FBN1: variants seen among roughly 807,000 people sequenced by gnomAD.
FBN1 encodes the protein fibrillin-1.
FBN1 carries 29 observed loss-of-function variants against 365.1 expected under a neutral mutation model. The ratio of observed to expected loss-of-function variants is 0.08; its 90% CI spans 0.06 to 0.11. The LOEUF is 0.11. FBN1 is among the 10% of genes least tolerant of loss of function. FBN1 has a pLI of 1.00. For missense variants in FBN1, 2,476 were observed against 3,703.2 expected (o/e 0.67, Z 8.60); for synonymous variants, 1,210 against 1,270.5 (o/e 0.95, Z 1.01).
chr15:48,537,499 T>C, intron 7 of FBN1, 112 bp downstream of exon 7: 1 of 1,335,604 alleles, frequency 7.5e-7, no homozygotes, highest in Non-Finnish European at 1.1e-6. Flanking sequence ...TCAGCGAAAT[T>C]GTGAAGTTAT....
chr15:48,497,605 C>T (rs908982552), intron 18 of FBN1, among the ~76,000 whole-genome samples: 1 of 152,108 alleles, frequency 6.6e-6, no homozygotes, highest in Non-Finnish European at 1.5e-5. Flanking sequence ...AGGAACTTTG[C>T]ATCTCAGCTG....
intron 6 of FBN1, among the ~76,000 whole-genome samples, chr15:48,553,914 C>T (rs1054865041): frequency 1.3e-5 from 2 of 152,176 alleles, no homozygotes; most frequent in Non-Finnish European, 2.9e-5. Flanking sequence ...GAGCATGGTG[C>T]TGGCTACAAG....
intron 47 of FBN1, among the ~76,000 whole-genome samples, chr15:48,446,462 C>CA (rs1442704373): frequency 6.6e-6 from 1 of 152,106 alleles, no homozygotes; most frequent in African/African-American, 2.4e-5. Flanking sequence ...ATAGAGGGTT[C>CA]AGTACTATCT....
intron 2 of FBN1, among the ~76,000 whole-genome samples, chr15:48,623,232 GA>G (rs1889802302): frequency 6.6e-6 from 1 of 152,198 alleles, no homozygotes; most frequent in African/African-American, 2.4e-5. Flanking sequence ...AAGTAAGCCA[GA>G]TGGAATATGC....
At chr15:48,608,734 C>A (rs538929393) in intron 4 of FBN1, among the ~76,000 whole-genome samples, 1 of 152,218 alleles carries the variant, frequency 6.6e-6, no homozygotes, top group African/African-American at 2.4e-5. Flanking sequence ...AAGCACCACC[C>A]ACAGTCTTGG....
intron 53 of FBN1, among the ~76,000 whole-genome samples, chr15:48,435,952 T>C (rs1251768034): frequency 6.6e-6 from 1 of 151,760 alleles, no homozygotes; most frequent in Non-Finnish European, 1.5e-5. Context: ...CACAGAAGAG[T>C]AATGGCTCTT....
intron 44 of FBN1, among the ~76,000 whole-genome samples, chr15:48,453,014 T>C (rs2043212872): frequency 6.6e-6 from 1 of 152,014 alleles, no homozygotes; most frequent in Admixed American, 6.5e-5. Flanking sequence ...CCTAGCACTT[T>C]GGGAAGCTAA....
chr15:48,467,069 G>A (rs965594048), intron 38 of FBN1, among the ~76,000 whole-genome samples: 3 of 152,144 alleles, frequency 2.0e-5, no homozygotes, highest in Non-Finnish European at 4.4e-5. Flanking sequence ...AAGGTTACAT[G>A]GGTGACAACT....
At chr15:48,436,040 A>G (rs2043069828) in intron 53 of FBN1, among the ~76,000 whole-genome samples, 1 of 152,096 alleles carries the variant, frequency 6.6e-6, no homozygotes, top group African/African-American at 2.4e-5. Context: ...CTCCTAGGCG[A>G]AGAGGCTCAT....
At chr15:48,644,563 A>G in intron 2 of FBN1, 43 bp downstream of exon 2, 1 of 1,613,042 alleles carries the variant, frequency 6.2e-7, no homozygotes, top group Non-Finnish European at 8.5e-7. Flanking sequence ...TGGATCTTGA[A>G]ACTTGGGAGA....
At chr15:48,633,892 G>A (rs1021632125) in intron 2 of FBN1, among the ~76,000 whole-genome samples, 2 of 152,092 alleles carry the variant, frequency 1.3e-5, no homozygotes, top group South Asian at 2.1e-4. Flanking sequence ...CCACACCTAC[G>A]AACCGGAGAG....
intron 6 of FBN1, among the ~76,000 whole-genome samples, chr15:48,571,388 A>T (rs2044304400): frequency 6.6e-6 from 1 of 152,226 alleles, no homozygotes; most frequent in Non-Finnish European, 1.5e-5. Context: ...CTGGAAGAAC[A>T]TGAATAAAAA....
At position 48,492,336 on chromosome 15, in the gene FBN1, G is replaced by A. The variant is rs144417331; in HGVS notation, c.2854+125C>T. 5,207 of 899,870 alleles carry A rather than the reference G, an allele frequency of 5.8e-3. 77 individuals carry two copies. The highest frequency in any genetic ancestry group is 0.038 in the South Asian group (2,608 of 68,086). The allele number at this position is 899,870 out of a possible 1,614,324, so 55.7% of individuals were successfully genotyped here. ...CAAAGGAGTGGCCATGGACCCTATC[G>A]GACATGCTGAATTTTGGAGTGTGTG... On this transcript the variant is annotated intron_variant, in intron 24 of 65. Coordinates refer to ENST00000316623, the MANE Select transcript of FBN1 (RefSeq NM_000138.5).
chr15:48,454,667 T>A (rs994237464), intron 44 of FBN1, among the ~76,000 whole-genome samples: 1 of 152,180 alleles, frequency 6.6e-6, no homozygotes, highest in African/African-American at 2.4e-5. Flanking sequence ...GTTCTGGGCT[T>A]TTACACAGAA....
Position 48,430,741 on chromosome 15 carries a change from G to A in FBN1, c.6801C>T (p.Asn2267=), listed in dbSNP as rs886051245. ...AGATGCACATATATGTGCCAATGAG[G>A]TTCTTGCATTCCATTTGTTTTTCAG... ...DCTEKQMECK[N]LIGTYMCICG... The change falls in exon 56 of 66, where the codon AAC becomes AAT. Residue 2267 remains asparagine (N), a synonymous_variant. Coordinates refer to ENST00000316623, the MANE Select transcript of FBN1 (RefSeq NM_000138.5). 1.9e-6 allele frequency: 3 copies of A among 1,613,834 alleles called. No homozygotes were observed. Among genetic ancestry groups the A allele is most frequent in the Non-Finnish European group, 2.5e-6 (3 of 1,179,824 alleles).
chr15:48,593,679 C>T lies in FBN1; in HGVS notation c.538+2604G>A, dbSNP rs1340197117. On this transcript the variant is annotated intron_variant, in intron 6 of 65. Transcript: ENST00000316623. ...TGAATCCAGTTCATCATCTATGGGT[C>T]GTGTACTGTGCATCACACAGTAAGG... Among the ~76,000 whole-genome samples, 6 of 152,054 alleles carry T rather than the reference C, an allele frequency of 3.9e-5. No individual in the cohort carries two copies. The East Asian group carries it at 5.8e-4, about 15-fold the overall frequency.
At chr15:48,540,423 A>G (rs2044049437) in intron 6 of FBN1, among the ~76,000 whole-genome samples, 1 of 152,182 alleles carries the variant, frequency 6.6e-6, no homozygotes, top group African/African-American at 2.4e-5. Context: ...GATTTTCTTC[A>G]CTTAACATTG....
At chr15:48,439,187 T>C (rs1382590865) in intron 50 of FBN1, among the ~76,000 whole-genome samples, 4 of 152,214 alleles carry the variant, frequency 2.6e-5, no homozygotes, top group Admixed American at 2.6e-4. Flanking sequence ...ATCTATCTAT[T>C]ATATTTACCA....
intron 20 of FBN1, 132 bp from the exon 21 acceptor site, chr15:48,495,720 T>C (rs2043602037): frequency 8.8e-7 from 1 of 1,141,822 alleles, no homozygotes; most frequent in Admixed American, 1.9e-5. Flanking sequence ...TAGTTTTTCC[T>C]ACACTAGATG....
Sources: gnomAD v4.1 joint callset for allele counts (sites outside exome capture counted in the v4.1 genomes callset) on GRCh38, gnomAD v4.1.1 for gene constraint, MANE v1.5 for transcripts, NCBI Gene and HGNC (gene_info 2026-07-23, HGNC 2026-07-21) for gene names.